CD109: variants seen among roughly 807,000 people sequenced by gnomAD.
The protein encoded by CD109 is CD109 antigen.
CD109 carries 149 observed loss-of-function variants against 165.8 expected under a neutral mutation model. The ratio of observed to expected loss-of-function variants is 0.90; its 90% CI spans 0.79 to 1.03. CD109 has a LOEUF of 1.03. Among genes scored for constraint, CD109 ranks in the 50% least tolerant of loss-of-function variants. CD109 has a pLI of 0.00. For synonymous variants in CD109, 585 were observed against 592.1 expected (o/e 0.99, Z 0.18); for missense variants, 1,712 against 1,677.8 (o/e 1.02, Z -0.36).
At position 73,763,609 on chromosome 6, in the gene CD109, T is replaced by C. The variant is rs765151700; in HGVS notation, c.1031T>C (p.Phe344Ser). 1.9e-6 allele frequency: 3 copies of C among 1,593,902 alleles called. No individual in the cohort carries two copies. The Admixed American group carries it at 5.2e-5, about 27-fold the overall frequency. Residue 344 changes from phenylalanine to serine, a missense_variant, in exon 10 of 33, where the codon TTC becomes TCC. Coordinates refer to ENST00000287097, the MANE Select transcript of CD109 (RefSeq NM_133493.5). ...AGAAATGTAAGCACTAATGTGTTCT[T>C]CAAGCAACATGATTACATCATTGAG... ...ISRNVSTNVFFKQHDYIIEFF... is the reference protein window; with the variant it reads ...ISRNVSTNVFSKQHDYIIEFF...
chr6:73,726,343 G>T (rs1244387610), intron 3 of CD109, among the ~76,000 whole-genome samples: 1 of 152,138 alleles, frequency 6.6e-6, no homozygotes, highest in Non-Finnish European at 1.5e-5. Context: ...ATATTGTTTT[G>T]TACACAATAT....
At chr6:73,818,352 T>G in intron 30 of CD109, 36 bp from the exon 31 acceptor site, 2 of 1,612,026 alleles carry the variant, frequency 1.2e-6, no homozygotes, top group Non-Finnish European at 1.7e-6. Context: ...GGGTTTTTCC[T>G]GAGGAGTTTT....
intron 7 of CD109, among the ~76,000 whole-genome samples, chr6:73,761,973 G>T (rs1236309401): frequency 6.7e-6 from 1 of 149,546 alleles, no homozygotes; most frequent in Admixed American, 6.7e-5. Context: ...TATTTATTTT[G>T]AGACAGAGTC....
intron 3 of CD109, among the ~76,000 whole-genome samples, chr6:73,729,658 C>T (rs1333809064): frequency 2.6e-5 from 4 of 152,012 alleles, no homozygotes; most frequent in East Asian, 1.9e-4. Context: ...GGACTACAGG[C>T]GCATGCCACC....
chr6:73,758,456 G>C (rs1244139533), intron 6 of CD109, among the ~76,000 whole-genome samples: 1 of 152,022 alleles, frequency 6.6e-6, no homozygotes, highest in Non-Finnish European at 1.5e-5. Context: ...CATGATCTCG[G>C]GTCACTGCAA....
At chr6:73,802,373 T>C (rs1297597941) in intron 23 of CD109, among the ~76,000 whole-genome samples, 1 of 148,522 alleles carries the variant, frequency 6.7e-6, no homozygotes, top group East Asian at 2.0e-4. Context: ...GTTGGTTTTT[T>C]GGTTTACCTC....
chr6:73,827,375 G>C lies in CD109; in HGVS notation c.*3742G>C, dbSNP rs1776310018. 2.0e-5 allele frequency: 3 copies of C among 151,978 alleles called. No homozygotes were observed. Among genetic ancestry groups the C allele is most frequent in the Admixed American group, 2.0e-4 (3 of 15,258 alleles). 9.4% of individuals were successfully genotyped at this position (151,978 alleles called of 1,614,324 possible). The stretch of plus-strand genomic sequence containing the variant: ...CTCGGTAGAGGCTTCTGTCGGACAG[G>C]CAGAAGAGTGTATTCCTCACTTTTT... On this transcript the variant is annotated 3_prime_UTR_variant, in exon 33 of 33. Transcript: ENST00000287097.
At chr6:73,693,739 C>T (rs1770729610), upstream of CD109, among the ~76,000 whole-genome samples, 2 of 151,840 alleles carry the variant, frequency 1.3e-5, no homozygotes, top group Non-Finnish European at 2.9e-5. Flanking sequence ...TTAGTAGAGA[C>T]AGGGTTTCAC....
the CD109 span, among the ~76,000 whole-genome samples, chr6:73,680,261 C>G: frequency 1.3e-5 from 2 of 151,984 alleles, no homozygotes; most frequent in African/African-American, 4.8e-5. Flanking sequence ...TTGAAGAAAT[C>G]TGAATTGCTA....
At chr6:73,772,325 G>A (rs949238806) in intron 15 of CD109, among the ~76,000 whole-genome samples, 8 of 151,908 alleles carry the variant, frequency 5.3e-5, no homozygotes, top group African/African-American at 1.9e-4. Flanking sequence ...CTAACATGGT[G>A]AAACCCCATC....
intron 5 of CD109, among the ~76,000 whole-genome samples, chr6:73,750,602 A>G (rs1008695973): frequency 2.0e-5 from 3 of 152,192 alleles, no homozygotes; most frequent in African/African-American, 7.2e-5. Flanking sequence ...GCTATACATA[A>G]CATAGCTATG....
rs540447176 is a variant in CD109, at chr6:73,759,473, G to C, written c.758+445G>C. Among the ~76,000 whole-genome samples, 14 of 151,904 alleles carry C rather than the reference G, an allele frequency of 9.2e-5. No homozygotes were observed. In the East Asian group the frequency reaches 2.5e-3, roughly 27 times the overall value. Reference sequence around the variant, plus strand: ...CTACAGGCATGTTCCACCACTCCTGGGCTGATTTGCTTTTTAAAAATTAGT... The same window carrying C: ...CTACAGGCATGTTCCACCACTCCTGCGCTGATTTGCTTTTTAAAAATTAGT... On this transcript the variant is annotated intron_variant, in intron 7 of 32. Transcript: ENST00000287097.
intron 15 of CD109, among the ~76,000 whole-genome samples, chr6:73,779,966 T>C (rs1277682202): frequency 6.6e-6 from 1 of 152,222 alleles, no homozygotes; most frequent in Non-Finnish European, 1.5e-5. Flanking sequence ...GCTGAATATT[T>C]TTCTGCTTAT....
chr6:73,770,196 A>G (rs1332743667), intron 14 of CD109, among the ~76,000 whole-genome samples: 1 of 152,336 alleles, frequency 6.6e-6, no homozygotes, highest in Non-Finnish European at 1.5e-5. Context: ...GGACCTTGAG[A>G]AAGACATGCC....
chr6:73,775,736 C>G (rs993351153), intron 15 of CD109, among the ~76,000 whole-genome samples: 10 of 152,130 alleles, frequency 6.6e-5, no homozygotes, highest in Admixed American at 6.6e-4. Flanking sequence ...GTGTTCTCAT[C>G]ATTTAACTCC....
At chr6:73,759,068 A>T in intron 7 of CD109, 40 bp downstream of exon 7, 2 of 1,310,118 alleles carry the variant, frequency 1.5e-6, no homozygotes, top group Non-Finnish European at 2.2e-6. Flanking sequence ...CAAAACCATT[A>T]TAAAACTGTG....
intron 20 of CD109, among the ~76,000 whole-genome samples, chr6:73,786,300 C>T (rs529834155): frequency 6.6e-6 from 1 of 152,172 alleles, no homozygotes; most frequent in East Asian, 1.9e-4. Context: ...ATTTTTCTTC[C>T]CCCAGAATAA....
At position 73,759,024 on chromosome 6, in the gene CD109, G is replaced by T; in HGVS notation, c.754G>T (p.Ala252Ser). Residue 252 changes from alanine (A) to serine (S), a missense_variant, in exon 7 of 33, where the codon GCA (alanine) becomes TCA (serine). Coordinates refer to ENST00000287097, the MANE Select transcript of CD109 (RefSeq NM_133493.5). The stretch of plus-strand genomic sequence containing the variant: ...TAAGCATTTAAATGGTACCATCACG[G>T]CAAAGTAAGTGTCATTTTTCTTTTG... The part of the protein sequence containing the change: ...NSKHLNGTIT[A>S]KYTYGKPVKG... 1 of 1,580,618 alleles carries T rather than the reference G, an allele frequency of 6.3e-7. No individual in the cohort carries two copies. Among genetic ancestry groups the T allele is most frequent in the Non-Finnish European group, 8.7e-7 (1 of 1,150,916 alleles).
intron 2 of CD109, 33 bp downstream of exon 2, chr6:73,697,605 G>T (rs1400651515): frequency 6.3e-7 from 1 of 1,585,316 alleles, no homozygotes; most frequent in East Asian, 2.2e-5. Flanking sequence ...TTACCCTTCT[G>T]CAGTAATAAC....
Sources: allele counts gnomAD v4.1 joint callset (sites outside exome capture counted in the v4.1 genomes callset), GRCh38; gene constraint gnomAD v4.1.1; transcripts MANE v1.5; gene names NCBI Gene and HGNC (gene_info 2026-07-23, HGNC 2026-07-21).